OSBPL10: variants seen among roughly 807,000 people sequenced by gnomAD.
The protein encoded by OSBPL10 is oxysterol-binding protein-related protein 10.
A neutral mutation model predicts 81.7 loss-of-function variants in OSBPL10; 49 were observed. The observed-to-expected ratio is 0.60, with a 90% CI of 0.48 to 0.76. The LOEUF (loss-of-function observed/expected upper bound fraction) is 0.76, where lower values mean the gene tolerates loss of function less well. Among genes scored for constraint, OSBPL10 ranks in the 30% least tolerant of loss-of-function variants. The pLI is 0.00. For synonymous variants in OSBPL10, 419 were observed against 383.6 expected (o/e 1.09, Z -1.08); for missense variants, 923 against 987.8 (o/e 0.93, Z 0.88).
chr3:32,064,550 C>A (rs1699765582), intron 1 of OSBPL10: 1 of 88,706 alleles, frequency 1.1e-5, no homozygotes, highest in East Asian at 2.5e-4. Context: ...CTTGGAAAAA[C>A]AAAAGAGAAT....
intron 5 of OSBPL10, among the ~76,000 whole-genome samples, chr3:31,735,547 T>C (rs2125671711): frequency 6.6e-6 from 1 of 152,330 alleles, no homozygotes; most frequent in South Asian, 2.1e-4. Flanking sequence ...TTTTGTTCTC[T>C]TCTCCCCATT....
intron 1 of OSBPL10, among the ~76,000 whole-genome samples, chr3:31,902,688 G>A (rs1696284759): frequency 6.6e-6 from 1 of 152,132 alleles, no homozygotes; most frequent in Non-Finnish European, 1.5e-5. Flanking sequence ...TCAGCCTCCT[G>A]AGTAGCTGGG....
intron 2 of OSBPL10, among the ~76,000 whole-genome samples, chr3:31,877,544 TATA>T (rs796196361): frequency 4.6e-5 from 7 of 151,710 alleles, no homozygotes; most frequent in African/African-American, 1.7e-4. Context: ...ACTGCATAAA[TATA>T]ATAATACTAG....
At chr3:31,720,057 T>TA in intron 6 of OSBPL10, among the ~76,000 whole-genome samples, 1 of 148,462 alleles carries the variant, frequency 6.7e-6, no homozygotes, top group African/African-American at 2.4e-5. Context: ...TATATATATA[T>TA]TATATATATT....
chr3:32,064,925 G>A lies in OSBPL10; in HGVS notation n.185+12471C>T, dbSNP rs1476447183. ...AAAATCTCCTTTTTCTTCTTCTTAG[G>A]TAAAACATGACTATTTGCAGATTTC... On this transcript the variant is annotated intron_variant and non_coding_transcript_variant, in intron 1 of 3. Coordinates refer to the OSBPL10 transcript ENST00000479173. The A allele has an allele frequency of 8.7e-5, 8 of 91,892 alleles. 2 individuals carry two copies. Among genetic ancestry groups the A allele is most frequent in the African/African-American group, 2.3e-4 (8 of 35,452 alleles). The allele number at this position is 91,892 out of a possible 1,614,324, so 5.7% of individuals were successfully genotyped here. A position where few individuals can be genotyped will look rare whatever the true frequency, so the allele number is the denominator to read the frequency against.
chr3:32,059,123 C>T (rs1331807344), intron 1 of OSBPL10, among the ~76,000 whole-genome samples: 3 of 152,042 alleles, frequency 2.0e-5, no homozygotes, highest in Admixed American at 6.6e-5. Context: ...ATGATGAAAC[C>T]CTGTCTCTAC....
chr3:31,678,661 G>T (rs961906017), intron 8 of OSBPL10, among the ~76,000 whole-genome samples: 4 of 152,144 alleles, frequency 2.6e-5, no homozygotes, highest in Non-Finnish European at 5.9e-5. Context: ...TCCAATTTAA[G>T]AATCTGGCTT....
At chr3:31,725,110 C>A (rs1289558940) in intron 6 of OSBPL10, among the ~76,000 whole-genome samples, 1 of 152,170 alleles carries the variant, frequency 6.6e-6, no homozygotes, top group African/African-American at 2.4e-5. Flanking sequence ...GAAACATGTA[C>A]AGAGCTAATA....
chr3:31,766,655 C>T (rs1320223213), intron 4 of OSBPL10, among the ~76,000 whole-genome samples: 5 of 152,058 alleles, frequency 3.3e-5, no homozygotes, highest in Non-Finnish European at 7.4e-5. Flanking sequence ...AGAATTCTGA[C>T]ATTCATGAGC....
chr3:31,975,351 C>A (rs912340240), intron 1 of OSBPL10, among the ~76,000 whole-genome samples: 12 of 152,114 alleles, frequency 7.9e-5, no homozygotes, highest in African/African-American at 2.7e-4. Flanking sequence ...GATTTTCAAC[C>A]CTGGTATCAC....
Position 31,684,085 on chromosome 3 carries a change from C to A in OSBPL10, c.1275G>T (p.Lys425Asn), listed in dbSNP as rs201856386. The change falls in exon 8 of 12, where the codon AAG becomes AAT. Residue 425 changes from lysine to asparagine, a missense_variant. Physicochemically the swap from Lys to Asn is moderately conservative, Grantham distance 94. Around this residue, in one of 3 missense-constraint regions of OSBPL10, gnomAD observed 22 missense variants for 43.4 expected, o/e 0.51. Transcript: ENST00000396556. Reference sequence around the variant, plus strand: ...CTGCATACATCTCCAGCAAAGATCGCTTCTCCAGGATAAAGGTGGGAAGCA... The same window carrying A: ...CTGCATACATCTCCAGCAAAGATCGATTCTCCAGGATAAAGGTGGGAAGCA... ...KVVLPTFILE[K>N]RSLLEMYADF... is the part of the protein sequence containing the mutation. The A allele has an allele frequency of 5.0e-6, 8 of 1,614,050 alleles. No individual in the cohort carries two copies. In the East Asian group the frequency reaches 1.8e-4, roughly 36 times the overall value.
At chr3:31,984,579 A>C (rs551872414), upstream of OSBPL10, among the ~76,000 whole-genome samples, 2 of 152,292 alleles carry the variant, frequency 1.3e-5, no homozygotes, top group African/African-American at 4.8e-5. Flanking sequence ...CTTAAGTTTT[A>C]CAATAGTGGT....
intron 3 of OSBPL10, among the ~76,000 whole-genome samples, chr3:31,865,181 T>G (rs1701146849): frequency 6.6e-6 from 1 of 152,198 alleles, no homozygotes; most frequent in Non-Finnish European, 1.5e-5. Context: ...TAAATTCCCT[T>G]CTTAGAAACC....
intron 2 of OSBPL10, among the ~76,000 whole-genome samples, chr3:32,035,642 G>A (rs1699510474): frequency 6.7e-6 from 1 of 149,632 alleles, no homozygotes; most frequent in African/African-American, 2.5e-5. Flanking sequence ...TAAAAATAGA[G>A]AAAAATAATA....
At chr3:31,771,280 C>T (rs1246517731) in intron 4 of OSBPL10, among the ~76,000 whole-genome samples, 2 of 151,726 alleles carry the variant, frequency 1.3e-5, no homozygotes, top group Non-Finnish European at 2.9e-5. Context: ...AATTTCTATG[C>T]TATTGTGGCA....
intron 2 of OSBPL10, among the ~76,000 whole-genome samples, chr3:31,878,712 A>C (rs1701543377): frequency 6.6e-6 from 1 of 152,182 alleles, no homozygotes; most frequent in African/African-American, 2.4e-5. Flanking sequence ...TAGTCAAAAG[A>C]AAATGTTACA....
intron 1 of OSBPL10, among the ~76,000 whole-genome samples, chr3:31,935,840 A>G (rs1444032781): frequency 2.0e-5 from 3 of 152,168 alleles, no homozygotes; most frequent in African/African-American, 4.8e-5. Flanking sequence ...TGGTTTTCAT[A>G]TGTAGAAAGG....
Position 31,966,153 on chromosome 3 carries a change from ATGTGTGTGTGTGTGTGTGTG to A in OSBPL10, c.281+14726_281+14745del, listed in dbSNP as rs59737552. On this transcript the variant is annotated intron_variant, in intron 1 of 11. Transcript: ENST00000396556. ...CTACTACAACAACAACAACAAAATT[ATGTGTGTGTGTGTGTGTGTG>A]TGTGTGTGTGTGTGTGTGTGTATTC... Among the ~76,000 whole-genome samples the A allele has an allele frequency of 8.2e-5, 11 of 134,894 alleles. 1 individual carries two copies. Among genetic ancestry groups the A allele is most frequent in the African/African-American group, 2.5e-4 (9 of 36,630 alleles). 88.5% of individuals were successfully genotyped at this position (134,894 alleles called of 152,430 possible). A position where few individuals can be genotyped will look rare whatever the true frequency, so the allele number is the denominator to read the frequency against.
chr3:31,859,171 T>TG (rs2125593028), intron 3 of OSBPL10, among the ~76,000 whole-genome samples: 1 of 152,250 alleles, frequency 6.6e-6, no homozygotes, highest in East Asian at 1.9e-4. Flanking sequence ...AGGTTTTTTT[T>TG]TTTGTTGTTG....
Sources: allele counts gnomAD v4.1 joint callset (sites outside exome capture counted in the v4.1 genomes callset), GRCh38; gene constraint gnomAD v4.1.1; regional missense constraint gnomAD v4.1.1; transcripts MANE v1.5; gene names NCBI Gene and HGNC (gene_info 2026-07-23, HGNC 2026-07-21).